CREB3L2: variants seen among roughly 807,000 people sequenced by gnomAD.
CREB3L2 encodes cAMP responsive element binding protein 3 like 2.
A neutral mutation model predicts 57.2 loss-of-function variants in CREB3L2; 23 were observed. That is an observed-to-expected ratio of 0.40 (90% CI 0.29 to 0.57). The LOEUF is 0.57. Among genes scored for constraint, CREB3L2 ranks in the 20% least tolerant of loss-of-function variants. The pLI, the probability that CREB3L2 is intolerant of heterozygous loss-of-function variation, is 0.42. For missense variants in CREB3L2, 628 were observed against 634.7 expected (o/e 0.99, Z 0.11); for synonymous variants, 268 against 265.1 (o/e 1.01, Z -0.11).
intron 1 of CREB3L2, among the ~76,000 whole-genome samples, chr7:137,961,330 G>A (rs996611280): frequency 2.0e-5 from 3 of 152,106 alleles, no homozygotes; most frequent in African/African-American, 7.2e-5. Context: ...AGGAAAGTAC[G>A]TATGTCTCTG....
At chr7:137,958,499 G>A (rs1350605478) in intron 1 of CREB3L2, among the ~76,000 whole-genome samples, 1 of 151,604 alleles carries the variant, frequency 6.6e-6, no homozygotes, top group African/African-American at 2.4e-5. Flanking sequence ...GACCCTGCCT[G>A]TTCAAAAAAA....
chr7:137,974,103 A>G (rs1480488203), intron 1 of CREB3L2, among the ~76,000 whole-genome samples: 1 of 152,164 alleles, frequency 6.6e-6, no homozygotes, highest in Non-Finnish European at 1.5e-5. Flanking sequence ...GAATAAAAAT[A>G]CTTGTCCTAC....
chr7:137,929,882 A>T (rs71550675), intron 1 of CREB3L2, among the ~76,000 whole-genome samples: 40,765 of 144,756 alleles, frequency 0.28, 7,277 homozygotes, highest in East Asian at 0.45. Context: ...ATAAATAAAT[A>T]AATTAATTAA....
chr7:137,918,171 G>A (rs942100620), intron 2 of CREB3L2, among the ~76,000 whole-genome samples: 4 of 149,420 alleles, frequency 2.7e-5, no homozygotes, highest in Admixed American at 2.0e-4. Context: ...TTTTCCATTC[G>A]GCAATGACAT....
At chr7:137,938,094 T>G (rs1800822019) in intron 1 of CREB3L2, among the ~76,000 whole-genome samples, 1 of 152,138 alleles carries the variant, frequency 6.6e-6, no homozygotes, top group Non-Finnish European at 1.5e-5. Flanking sequence ...ACTATAATGG[T>G]GGAGACACGT....
chr7:137,882,621 G>A lies in CREB3L2; in HGVS notation c.1278C>T (p.Ser426=). 6.2e-7 allele frequency: 1 copy of A among 1,601,618 alleles called. No individual in the cohort carries two copies. Among genetic ancestry groups the A allele is most frequent in the Non-Finnish European group, 8.5e-7 (1 of 1,171,924 alleles). ...GTTCCTCGTAGATCAGCAGGTTTCT[G>A]GATCTCACTGAGGACAGAGCAGAAT... The part of the protein sequence containing the change: ...QEPYTASVVR[S]RNLLIYEEHS... The change falls in exon 11 of 12, where the codon TCC becomes TCT. Residue 426 remains serine, a synonymous_variant. Transcript: ENST00000330387.
chr7:137,883,872 T>C (rs1799350631), intron 10 of CREB3L2, among the ~76,000 whole-genome samples: 1 of 152,232 alleles, frequency 6.6e-6, no homozygotes, highest in Non-Finnish European at 1.5e-5. Context: ...TAGGTGTAGG[T>C]GTGAATTTGT....
In CREB3L2 at chr7:137,937,450, T is replaced by C. The variant is rs559192129; in HGVS notation, c.103-9084A>G. ...AGAAGGGACCTGCCTTCAAAACCAG[T>C]GCACCTTAGACCTGAGTGGCTCTCA... On this transcript the variant is annotated intron_variant, in intron 1 of 11. Coordinates refer to ENST00000330387, the MANE Select transcript of CREB3L2 (RefSeq NM_194071.4). 1.1e-4 allele frequency among the ~76,000 whole-genome samples: 17 copies of C among 152,228 alleles called. No homozygotes were observed. The South Asian group carries it at 2.7e-3, about 24-fold the overall frequency.
chr7:137,972,709 A>ACAAAACAAAACAAAC (rs1245434184), intron 1 of CREB3L2, among the ~76,000 whole-genome samples: 12 of 39,722 alleles, frequency 3.0e-4, no homozygotes, highest in African/African-American at 1.7e-3. Context: ...AAAAAAAAAA[A>ACAAAACAAAACAAAC]AAAATATATA....
intron 1 of CREB3L2, among the ~76,000 whole-genome samples, chr7:137,988,566 TA>T (rs1801829526): frequency 1.3e-5 from 2 of 152,184 alleles, no homozygotes; most frequent in Admixed American, 6.5e-5. Flanking sequence ...GATACTTCCT[TA>T]GTGGAAGAGT....
rs1799149980 is a variant in CREB3L2 at position 137,876,302 on chromosome 7, C to T, written c.*4174G>A. 1 of 231,734 alleles carries T rather than the reference C, an allele frequency of 4.3e-6. No individual in the cohort carries two copies. The highest frequency in any genetic ancestry group is 1.8e-4 in the South Asian group (1 of 5,490). 14.4% of individuals were successfully genotyped at this position (231,734 alleles called of 1,614,324 possible). ...TTACCTATAAGGCACATTTAAGGCA[C>T]AAATGAGCATGTAAGGGAGGAATGT... On this transcript the variant is annotated 3_prime_UTR_variant, in exon 12 of 12. Coordinates refer to ENST00000330387, the MANE Select transcript of CREB3L2 (RefSeq NM_194071.4).
rs531918900 is a variant in CREB3L2 at position 137,978,260 on chromosome 7, A to C, written c.102+23344T>G. On this transcript the variant is annotated intron_variant, in intron 1 of 11. Coordinates refer to ENST00000330387, the MANE Select transcript of CREB3L2 (RefSeq NM_194071.4). The stretch of plus-strand genomic sequence containing the variant: ...GAGATAACTCTCTATATATCTCTCT[A>C]GAGATTATCTGTCTATATATAAAGC... Among the ~76,000 whole-genome samples the C allele has an allele frequency of 4.6e-5, 7 of 152,320 alleles. No individual in the cohort carries two copies. In the East Asian group the frequency reaches 1.4e-3, roughly 29 times the overall value.
rs548405273 is a variant in CREB3L2, at chr7:137,876,127, C to T, written c.*4349G>A. 1 of 232,618 alleles carries T rather than the reference C, an allele frequency of 4.3e-6. No individual in the cohort carries two copies. The highest frequency in any genetic ancestry group is 8.5e-6 in the Non-Finnish European group (1 of 117,452). 14.4% of individuals were successfully genotyped at this position (232,618 alleles called of 1,614,324 possible). Reference sequence around the variant, plus strand: ...ATGGACGTAACCCTATTTCTTTTCTCCTGATGTGCAAATCTGATAGTGGCT... The same window carrying T: ...ATGGACGTAACCCTATTTCTTTTCTTCTGATGTGCAAATCTGATAGTGGCT... On this transcript the variant is annotated 3_prime_UTR_variant, in exon 12 of 12. Transcript: ENST00000330387.
chr7:137,899,650 G>A (rs1799712399), intron 8 of CREB3L2, among the ~76,000 whole-genome samples: 1 of 152,204 alleles, frequency 6.6e-6, no homozygotes, highest in African/African-American at 2.4e-5. Flanking sequence ...TGCCTCATGA[G>A]ATCAAGGTAA....
chr7:137,919,031 C>A (rs1232639696), intron 2 of CREB3L2, among the ~76,000 whole-genome samples: 1 of 152,158 alleles, frequency 6.6e-6, no homozygotes, highest in Admixed American at 6.5e-5. Context: ...CCCAAGGAAG[C>A]GGCCTCTCCT....
chr7:137,968,259 G>A (rs1053501737), intron 1 of CREB3L2, among the ~76,000 whole-genome samples: 1 of 150,146 alleles, frequency 6.7e-6, no homozygotes, highest in Non-Finnish European at 1.5e-5. Context: ...TGTGCACAAC[G>A]TGCAGGTTTG....
intron 1 of CREB3L2, among the ~76,000 whole-genome samples, chr7:137,988,663 G>T (rs1285781583): frequency 6.6e-6 from 1 of 152,178 alleles, no homozygotes. Flanking sequence ...GAGTACAAAG[G>T]CTATCCTTTT....
intron 2 of CREB3L2, among the ~76,000 whole-genome samples, chr7:137,920,313 T>C (rs962640397): frequency 2.0e-5 from 3 of 152,182 alleles, no homozygotes; most frequent in Non-Finnish European, 4.4e-5. Flanking sequence ...AGTTTTGCCA[T>C]CAGCATGAGA....
At chr7:137,955,400 C>A in intron 1 of CREB3L2, 1 of 853,014 alleles carries the variant, frequency 1.2e-6, no homozygotes, top group Non-Finnish European at 1.7e-6. Flanking sequence ...TCAGCACGGC[C>A]ACCTCACTCC....
Sources: gnomAD v4.1 joint callset for allele counts (sites outside exome capture counted in the v4.1 genomes callset) on GRCh38, gnomAD v4.1.1 for gene constraint, MANE v1.5 for transcripts, NCBI Gene and HGNC (gene_info 2026-07-23, HGNC 2026-07-21) for gene names.